CDH22: variants seen among roughly 807,000 people sequenced by gnomAD.
CDH22 encodes the protein cadherin-22.
CDH22 carries 30 observed loss-of-function variants against 58.4 expected under a neutral mutation model. The observed-to-expected ratio is 0.51, with a 90% confidence interval of 0.38 to 0.70. The LOEUF is 0.70. CDH22 is among the 30% of genes least tolerant of loss of function. The pLI is 0.00. For missense variants in CDH22, 1,014 were observed against 1,233.9 expected (o/e 0.82, Z 2.67); for synonymous variants, 513 against 558.2 (o/e 0.92, Z 1.14).
rs2086144059 is a variant in CDH22 at position 46,223,666 on chromosome 20, C to CTTTCT, written c.670+3841_670+3842insAGAAA. ...CTTTCTTTCTCTTTCTTTTTCTTTC[C>CTTTCT]TTCTTTCTTTCTTTCTTTCTTTCTT... On this transcript the variant is annotated intron_variant, in intron 4 of 11. Transcript: ENST00000537909. 5.4e-4 allele frequency among the ~76,000 whole-genome samples: 62 copies of CTTTCT among 115,628 alleles called. 1 individual carries two copies. The highest frequency in any genetic ancestry group is 1.8e-3 in the East Asian group (7 of 3,988). The allele number at this position is 115,628 out of a possible 152,430, so 75.9% of individuals were successfully genotyped here. A position where few individuals can be genotyped will look rare whatever the true frequency, so the allele number is the denominator to read the frequency against.
At chr20:46,226,281 TTCTTCTTCTTC>T (rs1319897983) in intron 4 of CDH22, among the ~76,000 whole-genome samples, 1 of 2,496 alleles carries the variant, frequency 4.0e-4, no homozygotes, top group Non-Finnish European at 1.2e-3. Flanking sequence ...CTTCTTCTTC[TTCTTCTTCTTC>T]TTTTTTTTTT....
At chr20:46,261,305 C>A (rs1003283729) in intron 1 of CDH22, among the ~76,000 whole-genome samples, 1 of 152,176 alleles carries the variant, frequency 6.6e-6, no homozygotes, top group Admixed American at 6.5e-5. Flanking sequence ...TACTACTGGA[C>A]CCTATTATGC....
intron 10 of CDH22, among the ~76,000 whole-genome samples, chr20:46,184,540 T>C (rs1183140210): frequency 1.3e-5 from 2 of 152,138 alleles, no homozygotes; most frequent in African/African-American, 2.4e-5. Context: ...CCACTTATCA[T>C]CCCCAACATA....
At chr20:46,276,097 G>A (rs1007103230) in intron 1 of CDH22, among the ~76,000 whole-genome samples, 4 of 152,196 alleles carry the variant, frequency 2.6e-5, no homozygotes, top group African/African-American at 7.2e-5. Context: ...ATGCTGGTGA[G>A]GTGGTTGCTG....
chr20:46,212,955 CT>C, intron 6 of CDH22, 39 bp downstream of exon 6: 1 of 1,576,016 alleles, frequency 6.3e-7, no homozygotes, highest in Non-Finnish European at 8.7e-7. Context: ...CCTCCCACCC[CT>C]GAGGCCTGCC....
intron 1 of CDH22, among the ~76,000 whole-genome samples, chr20:46,260,124 T>C (rs1190391966): frequency 6.6e-6 from 1 of 152,224 alleles, no homozygotes; most frequent in Non-Finnish European, 1.5e-5. Context: ...TATAAAAATA[T>C]ATCTTCTGTG....
chr20:46,199,177 A>C (rs112049214), intron 8 of CDH22, among the ~76,000 whole-genome samples: 17 of 152,214 alleles, frequency 1.1e-4, no homozygotes, highest in African/African-American at 4.1e-4. Flanking sequence ...AACCAGCCCT[A>C]CTCCCTTGAC....
At chr20:46,242,874 C>G (rs2086302052) in intron 2 of CDH22, among the ~76,000 whole-genome samples, 1 of 152,164 alleles carries the variant, frequency 6.6e-6, no homozygotes, top group South Asian at 2.1e-4. Context: ...AGGATTTAAT[C>G]TAGGCACTAT....
At chr20:46,229,816 A>G (rs2086206651) in intron 3 of CDH22, among the ~76,000 whole-genome samples, 1 of 152,070 alleles carries the variant, frequency 6.6e-6, no homozygotes, top group African/African-American at 2.4e-5. Context: ...TGTAATTGTT[A>G]TGAGAGAGGG....
At chr20:46,199,234 C>A (rs1412582792) in intron 8 of CDH22, among the ~76,000 whole-genome samples, 189 bp downstream of exon 8, 3 of 152,250 alleles carry the variant, frequency 2.0e-5, no homozygotes, top group Non-Finnish European at 4.4e-5. Flanking sequence ...CTTTTGCCCT[C>A]GCCTTCACCG....
chr20:46,231,864 A>G (rs1196579600), intron 3 of CDH22, among the ~76,000 whole-genome samples: 3 of 152,080 alleles, frequency 2.0e-5, no homozygotes, highest in Non-Finnish European at 4.4e-5. Flanking sequence ...TTTCTGATCC[A>G]TTTCCTCACC....
chr20:46,298,643 G>C (rs1568686125), intron 1 of CDH22, among the ~76,000 whole-genome samples: 1 of 151,928 alleles, frequency 6.6e-6, no homozygotes, highest in Non-Finnish European at 1.5e-5. Flanking sequence ...TGAATGGGTG[G>C]ATGGATGGAT....
intron 8 of CDH22, among the ~76,000 whole-genome samples, chr20:46,196,227 G>A (rs1354907166): frequency 6.6e-6 from 1 of 151,878 alleles, no homozygotes; most frequent in African/African-American, 2.4e-5. Flanking sequence ...TAATAAGTTT[G>A]TTCCCATCTC....
chr20:46,305,510 A>G (rs2086671258), intron 1 of CDH22, among the ~76,000 whole-genome samples: 1 of 152,074 alleles, frequency 6.6e-6, no homozygotes, highest in Non-Finnish European at 1.5e-5. Flanking sequence ...ATGGGGAGGA[A>G]TGAGGAAGTC....
rs540323348 is a variant in CDH22, at chr20:46,200,684, C to T, written c.1287-1125G>A. ...GCAGGGGAAACAGAAGGTGCAAAGG[C>T]GCGGCGGCTGAGAATTATCCCAGAA... On this transcript the variant is annotated intron_variant, in intron 7 of 11. Transcript: ENST00000537909. Among the ~76,000 whole-genome samples, 87 of 152,256 alleles carry T rather than the reference C, an allele frequency of 5.7e-4. 2 individuals are homozygous for T. The South Asian group carries it at 0.017, about 29-fold the overall frequency.
chr20:46,275,201 G>T (rs2086511829), intron 1 of CDH22, among the ~76,000 whole-genome samples: 1 of 152,118 alleles, frequency 6.6e-6, no homozygotes. Context: ...CTCTCACCCT[G>T]TCCGCTCCCC....
At chr20:46,239,823 G>C (rs1231163859) in intron 3 of CDH22, among the ~76,000 whole-genome samples, 1 of 152,252 alleles carries the variant, frequency 6.6e-6, no homozygotes, top group East Asian at 1.9e-4. Context: ...CCTGAGCTAA[G>C]TGGGGCCTTG....
At position 46,174,010 on chromosome 20, in the gene CDH22, T is replaced by G. The variant is rs1219980875; in HGVS notation, c.*496A>C. 6.4e-6 allele frequency: 1 copy of G among 155,346 alleles called. No homozygotes were observed. The highest frequency in any genetic ancestry group is 1.4e-5 in the Non-Finnish European group (1 of 70,398). 9.6% of individuals were successfully genotyped at this position (155,346 alleles called of 1,614,324 possible). A position where few individuals can be genotyped will look rare whatever the true frequency, so the allele number is the denominator to read the frequency against. Reference sequence around the variant, plus strand: ...TCTCTGGGGTCCTTTCCCCTTCTATTCCGTGCAGGACACCACCTCATGGTT... The same window carrying G: ...TCTCTGGGGTCCTTTCCCCTTCTATGCCGTGCAGGACACCACCTCATGGTT... On this transcript the variant is annotated 3_prime_UTR_variant, in exon 12 of 12. Coordinates refer to ENST00000537909, the MANE Select transcript of CDH22 (RefSeq NM_021248.3). This position sits in a 1 kb window ranked among gnomAD's most constrained non-coding sequence, Gnocchi z 4.4.
chr20:46,245,154 G>C (rs1057063387), intron 2 of CDH22, among the ~76,000 whole-genome samples: 31 of 152,104 alleles, frequency 2.0e-4, no homozygotes, highest in Admixed American at 1.2e-3. Flanking sequence ...GGGGTCGAGG[G>C]GTCACCTAAT....
Sources: gnomAD v4.1 joint callset for allele counts (sites outside exome capture counted in the v4.1 genomes callset) on GRCh38, gnomAD v4.1.1 for gene constraint, Gnocchi (gnomAD v3.1) non-coding constraint, MANE v1.5 for transcripts, NCBI Gene and HGNC (gene_info 2026-07-23, HGNC 2026-07-21) for gene names.